RNF126: variants seen among roughly 807,000 people sequenced by gnomAD.
RNF126 encodes ring finger protein 126, also known as E3 ubiquitin-protein ligase RNF126.
RNF126 carries 20 observed loss-of-function variants against 41.9 expected under a neutral mutation model. The observed-to-expected ratio is 0.48, with a 90% CI of 0.34 to 0.69. The LOEUF (loss-of-function observed/expected upper bound fraction) is 0.69, where lower values mean the gene tolerates loss of function less well. Among genes scored for constraint, RNF126 ranks in the 30% least tolerant of loss-of-function variants. The pLI is 0.01. For missense variants in RNF126, 433 were observed against 460.6 expected, an observed-to-expected ratio of 0.94 and a Z score of 0.55; for synonymous variants, 239 against 202.9, an observed-to-expected ratio of 1.18 and a Z score of -1.51.
Position 648,157 on chromosome 19 carries a change from T to A in RNF126, c.907A>T (p.Ser303Cys). The part of the protein sequence containing the change: ...SSSSSSSSSP[S>C]NENATSNS ...GAGTTGCTTGTGGCGTTCTCGTTGCTGGGCGAGCTGGAGGAGGACGATGAC... is the reference window on the plus strand; with the variant it reads ...GAGTTGCTTGTGGCGTTCTCGTTGCAGGGCGAGCTGGAGGAGGACGATGAC... Residue 303 changes from serine to cysteine, a missense_variant, in exon 9 of 9, where the codon AGC becomes TGC. By Grantham distance (112) the Ser-to-Cys change is moderately radical. Transcript: ENST00000292363. 1 of 1,600,940 alleles carries A rather than the reference T, an allele frequency of 6.2e-7. No homozygotes were observed. Among genetic ancestry groups the A allele is most frequent in the Non-Finnish European group, 8.5e-7 (1 of 1,171,658 alleles).
chr19:659,656 GCC>G lies in RNF126; in HGVS notation c.75+3389_75+3390del. The stretch of plus-strand genomic sequence containing the variant: ...GCAGGCTCGAGTCTGGGTCTGCGCA[GCC>G]GCCTGTGGCCTGAGCTCCAGCTGGC... On this transcript the variant is annotated intron_variant, in intron 1 of 8. Transcript: ENST00000292363. The surrounding 1 kb of genome is among the most constrained non-coding windows in gnomAD (Gnocchi z 4.9). Among the ~76,000 whole-genome samples, 1 of 152,258 alleles carries G rather than the reference GCC, an allele frequency of 6.6e-6. No homozygotes were observed. The highest frequency in any genetic ancestry group is 2.4e-5 in the African/African-American group (1 of 41,546).
rs747372634 is a variant in RNF126 at position 652,904 on chromosome 19, G to A, written c.76-20C>T. On this transcript the variant is annotated intron_variant, in intron 1 of 8. Transcript: ENST00000292363. ...ATAATCCTGCAGGAGAGAACAGGAGGCCGGGTCACGGTGACGCCGGCATCA... is the reference window on the plus strand; with the variant it reads ...ATAATCCTGCAGGAGAGAACAGGAGACCGGGTCACGGTGACGCCGGCATCA... 6.2e-7 allele frequency: 1 copy of A among 1,610,224 alleles called. No homozygotes were observed. The highest frequency in any genetic ancestry group is 1.1e-5 in the South Asian group (1 of 90,586).
chr19:655,884 G>C lies in RNF126; in HGVS notation c.76-3000C>G, dbSNP rs545579915. 4.8e-4 allele frequency among the ~76,000 whole-genome samples: 73 copies of C among 152,302 alleles called. 1 individual carries two copies. The highest frequency in any genetic ancestry group is 1.6e-3 in the African/African-American group (66 of 41,568). ...CAAGGCCCAGACCAGGCCACGGCGGGGGGGAGGGGGGATTGCATCTTGAGG... is the reference window on the plus strand; with the variant it reads ...CAAGGCCCAGACCAGGCCACGGCGGCGGGGAGGGGGGATTGCATCTTGAGG... On this transcript the variant is annotated intron_variant, in intron 1 of 8. Coordinates refer to ENST00000292363, the MANE Select transcript of RNF126 (RefSeq NM_194460.3).
Position 648,385 on chromosome 19 carries a change from G to A in RNF126, c.773C>T (p.Pro258Leu), listed in dbSNP as rs1434772948. The A allele has an allele frequency of 6.4e-7, 1 of 1,551,020 alleles. No homozygotes were observed. ...CGGGGCACTCACCTGCTCCAGCCAG[G>A]GCACGATGCAGCCGTCGTGGAACAG... ...NHLFHDGCIV[P>L]WLEQHDSCPV... Residue 258 changes from proline to leucine, a missense_variant, in exon 8 of 9, where the codon CCC (proline) becomes CTC (leucine). Pro to Leu is a moderately conservative substitution (Grantham distance 98). Around this residue, in one of 5 missense-constraint regions of RNF126, gnomAD observed 97 missense variants for 121.7 expected, o/e 0.80. Transcript: ENST00000292363.
chr19:658,027 G>A (rs1480912109), intron 1 of RNF126, among the ~76,000 whole-genome samples: 1 of 151,982 alleles, frequency 6.6e-6, no homozygotes, highest in Non-Finnish European at 1.5e-5. Flanking sequence ...CGCACTGGGG[G>A]CCCCCACAGA....
chr19:658,549 G>T (rs1284780170), intron 1 of RNF126, among the ~76,000 whole-genome samples: 1 of 152,166 alleles, frequency 6.6e-6, no homozygotes, highest in Non-Finnish European at 1.5e-5. Flanking sequence ...GATCCACAGT[G>T]TGTGGGCCCC....
intron 1 of RNF126, among the ~76,000 whole-genome samples, chr19:662,499 G>C (rs1050305446): frequency 6.6e-6 from 1 of 152,092 alleles, no homozygotes; most frequent in African/African-American, 2.4e-5. Flanking sequence ...TCCGGGCCTG[G>C]GCCTGCCTCC....
At chr19:652,069 A>G (rs1348110124) in intron 3 of RNF126, among the ~76,000 whole-genome samples, 164 bp downstream of exon 3, 1 of 151,986 alleles carries the variant, frequency 6.6e-6, no homozygotes, top group African/African-American at 2.4e-5. Flanking sequence ...GAAACCAACC[A>G]AGCAGCGTGG....
chr19:651,946 A>G (rs1175712002), intron 3 of RNF126, 91 bp from the exon 4 acceptor site: 16 of 1,236,244 alleles, frequency 1.3e-5, no homozygotes, highest in African/African-American at 4.6e-5. Context: ...AGAAAGCAAG[A>G]CGGGCCCTGC....
At chr19:649,993 C>T (rs2030194703) in intron 5 of RNF126, among the ~76,000 whole-genome samples, 1 of 146,344 alleles carries the variant, frequency 6.8e-6, no homozygotes, top group Non-Finnish European at 1.5e-5. Flanking sequence ...CAGGCACCCC[C>T]ACCCACTCAC....
At chr19:648,761 G>A (rs1426636745) in intron 7 of RNF126, 121 bp downstream of exon 7, 2 of 694,536 alleles carry the variant, frequency 2.9e-6, no homozygotes, top group East Asian at 2.7e-5. Context: ...CTGAGGTCAG[G>A]AGTTCGAGAC....
intron 1 of RNF126, among the ~76,000 whole-genome samples, chr19:660,562 T>A (rs569027845): frequency 6.6e-6 from 1 of 152,208 alleles, no homozygotes; most frequent in South Asian, 2.1e-4. Flanking sequence ...GGCTGGGGAC[T>A]TTCCCCATTG....
At chr19:648,800 C>A (rs751616027) in intron 7 of RNF126, 82 bp downstream of exon 7, 17 of 847,396 alleles carry the variant, frequency 2.0e-5, no homozygotes, top group Admixed American at 9.0e-5. Flanking sequence ...GAAACCCTGT[C>A]TCTACTGAAA....
chr19:654,476 C>T (rs71335262), intron 1 of RNF126, among the ~76,000 whole-genome samples: 1 of 150,276 alleles, frequency 6.7e-6, no homozygotes, highest in African/African-American at 2.5e-5. Flanking sequence ...AACTCTGTCT[C>T]TACTAAAAAT....
rs530609859 is a variant in RNF126, at chr19:651,885, G to A, written c.199-30C>T. 5 of 1,591,172 alleles carry A rather than the reference G, an allele frequency of 3.1e-6. No homozygotes were observed. In the East Asian group the frequency reaches 9.0e-5, roughly 29 times the overall value. On this transcript the variant is annotated intron_variant, in intron 3 of 8. Transcript: ENST00000292363. The stretch of plus-strand genomic sequence containing the variant: ...GGAGAGGAGGGGGGCGTGACCTCGG[G>A]GGCTCAGGCCCGTGCAGTCTGCTGG...
chr19:663,174 G>T lies in RNF126; in HGVS notation c.-53C>A, dbSNP rs537353156. On this transcript the variant is annotated 5_prime_UTR_variant, in exon 1 of 9. Transcript: ENST00000292363. ...CGCCCCCCGCGCGGCACCCGCCGCCGGCCGTTTGCTGCTCCCTCGCCGGCC... is the reference window on the plus strand; with the variant it reads ...CGCCCCCCGCGCGGCACCCGCCGCCTGCCGTTTGCTGCTCCCTCGCCGGCC... The T allele has an allele frequency of 3.4e-5, 30 of 889,706 alleles. No individual in the cohort carries two copies. Among genetic ancestry groups the T allele is most frequent in the Admixed American group, 2.0e-4 (4 of 19,916 alleles). The allele number at this position is 889,706 out of a possible 1,614,324, so 55.1% of individuals were successfully genotyped here. A position where few individuals can be genotyped will look rare whatever the true frequency, so the allele number is the denominator to read the frequency against.
chr19:652,685 G>C, intron 2 of RNF126, 141 bp downstream of exon 2: 1 of 762,012 alleles, frequency 1.3e-6, no homozygotes, highest in Non-Finnish European at 2.2e-6. Flanking sequence ...TGTCTGCACA[G>C]AGAAAAGTGC....
chr19:662,214 C>G (rs75309526), intron 1 of RNF126, among the ~76,000 whole-genome samples: 2,749 of 152,302 alleles, frequency 0.018, 88 homozygotes, highest in African/African-American at 0.063. Flanking sequence ...CTCCGAAACC[C>G]TGGAAAAGGG....
rs902684385 is a variant in RNF126 at position 659,764 on chromosome 19, G to A, written c.75+3283C>T. Among the ~76,000 whole-genome samples the A allele has an allele frequency of 2.1e-5, 3 of 145,694 alleles. No homozygotes were observed. Among genetic ancestry groups the A allele is most frequent in the Non-Finnish European group, 3.0e-5 (2 of 66,646 alleles). The stretch of plus-strand genomic sequence containing the variant: ...CAGACACCCAGACACCCTCGTCATC[G>A]CCTTTTTTTTTTTTTTTTGGAAGGA... On this transcript the variant is annotated intron_variant, in intron 1 of 8. Coordinates refer to ENST00000292363, the MANE Select transcript of RNF126 (RefSeq NM_194460.3). The surrounding 1 kb of genome is among the most constrained non-coding windows in gnomAD (Gnocchi z 4.9).
Sources: gnomAD v4.1 joint callset for allele counts (sites outside exome capture counted in the v4.1 genomes callset) on GRCh38, gnomAD v4.1.1 for gene constraint, gnomAD v4.1.1 regional missense constraint, Gnocchi (gnomAD v3.1) non-coding constraint, MANE v1.5 for transcripts, NCBI Gene and HGNC (gene_info 2026-07-23, HGNC 2026-07-21) for gene names.